The following CAMK1D variants were observed in gnomAD, a reference collection of about 807,000 sequenced individuals.
CAMK1D encodes the protein calcium/calmodulin dependent protein kinase ID.
Under a neutral mutation model 47.7 loss-of-function variants are expected in CAMK1D, and 9 were observed. That is an observed-to-expected ratio of 0.19 (90% CI 0.11 to 0.33). The LOEUF (loss-of-function observed/expected upper bound fraction) is 0.33. CAMK1D is among the 10% of genes least tolerant of loss of function. The probability of loss-of-function intolerance (pLI) is 1.00; values close to 1 mark genes in which losing one functional copy is unlikely to be tolerated. For synonymous variants in CAMK1D, 184 were observed against 184.9 expected, an observed-to-expected ratio of 0.99 and a Z score of 0.04; for missense variants, 291 against 488.7, an observed-to-expected ratio of 0.60 and a Z score of 3.81.
intron 1 of CAMK1D, among the ~76,000 whole-genome samples, chr10:12,454,575 G>A (rs890082961): frequency 6.6e-6 from 1 of 152,192 alleles, no homozygotes; most frequent in Admixed American, 6.5e-5. Flanking sequence ...CGATTCTCCT[G>A]CCTCAGCCTC....
At chr10:12,807,187 G>A (rs780307859) in intron 6 of CAMK1D, among the ~76,000 whole-genome samples, 19 of 152,180 alleles carry the variant, frequency 1.2e-4, no homozygotes, top group Non-Finnish European at 2.9e-5. Flanking sequence ...ACCTGGTCCA[G>A]CTCTGCCCGG....
At chr10:12,594,983 A>C (rs1257363107) in intron 2 of CAMK1D, among the ~76,000 whole-genome samples, 1 of 152,162 alleles carries the variant, frequency 6.6e-6, no homozygotes, top group Non-Finnish European at 1.5e-5. Context: ...AAGTGCTGAC[A>C]CTGACAATGA....
intron 1 of CAMK1D, among the ~76,000 whole-genome samples, chr10:12,548,788 C>T (rs1836485851): frequency 6.6e-6 from 1 of 150,786 alleles, no homozygotes; most frequent in Non-Finnish European, 1.5e-5. Flanking sequence ...TTACAGAGTA[C>T]AGTTTGGTGG....
intron 3 of CAMK1D, among the ~76,000 whole-genome samples, chr10:12,701,085 T>C (rs1274402482): frequency 6.6e-6 from 1 of 152,114 alleles, no homozygotes; most frequent in Non-Finnish European, 1.5e-5. Context: ...TATTTCCACT[T>C]TTAAGTTGCC....
chr10:12,444,417 C>G (rs555500660), intron 1 of CAMK1D, among the ~76,000 whole-genome samples: 1 of 152,156 alleles, frequency 6.6e-6, no homozygotes, highest in African/African-American at 2.4e-5. Flanking sequence ...GAGTCAAACT[C>G]TGTAAAATAT....
At chr10:12,684,673 G>A (rs1184324471) in intron 3 of CAMK1D, among the ~76,000 whole-genome samples, 2 of 152,136 alleles carry the variant, frequency 1.3e-5, no homozygotes, top group African/African-American at 4.8e-5. Flanking sequence ...TAAAGACAAT[G>A]TGACTGGTCA....
At chr10:12,456,974 G>A (rs1211899596) in intron 1 of CAMK1D, among the ~76,000 whole-genome samples, 2 of 152,124 alleles carry the variant, frequency 1.3e-5, no homozygotes, top group South Asian at 4.1e-4. Context: ...TATCATTGAA[G>A]CTTTGTGACA....
At position 12,395,012 on chromosome 10, in the gene CAMK1D, A is replaced by G. The variant is rs554694470; in HGVS notation, c.92+45102A>G. On this transcript the variant is annotated intron_variant, in intron 1 of 10. Transcript: ENST00000619168. ...GCCTCCAACTTGGGGTGCACTTTGT[A>G]GCTGCTTACTGAGGGTAAACAGTTA... 2.0e-5 allele frequency among the ~76,000 whole-genome samples: 3 copies of G among 151,552 alleles called. No individual in the cohort carries two copies. The East Asian group carries it at 5.8e-4, about 29-fold the overall frequency.
At chr10:12,815,045 C>A (rs1832742958) in intron 7 of CAMK1D, among the ~76,000 whole-genome samples, 1 of 152,204 alleles carries the variant, frequency 6.6e-6, no homozygotes, top group Admixed American at 6.5e-5. Flanking sequence ...TCAGGACAGC[C>A]TGTCAGGCGG....
chr10:12,808,829 A>G (rs1051171965), intron 6 of CAMK1D, among the ~76,000 whole-genome samples: 3 of 152,008 alleles, frequency 2.0e-5, no homozygotes, highest in African/African-American at 7.2e-5. Context: ...TATAAGATCC[A>G]TACAGGGCTG....
At chr10:12,482,984 A>C (rs1834109567) in intron 1 of CAMK1D, among the ~76,000 whole-genome samples, 1 of 152,150 alleles carries the variant, frequency 6.6e-6, no homozygotes, top group Non-Finnish European at 1.5e-5. Flanking sequence ...TTACGGTGCT[A>C]GCTAAGTGTG....
chr10:12,486,455 G>T (rs114425333), intron 1 of CAMK1D, among the ~76,000 whole-genome samples: 1,842 of 152,160 alleles, frequency 0.012, 45 homozygotes, highest in African/African-American at 0.042. Flanking sequence ...ACTGCACCTG[G>T]CGGGGACTTG....
At chr10:12,742,167 G>A (rs1428946117) in intron 3 of CAMK1D, among the ~76,000 whole-genome samples, 2 of 152,192 alleles carry the variant, frequency 1.3e-5, no homozygotes, top group African/African-American at 2.4e-5. Context: ...ACAGGGTCTC[G>A]CTCTGTTGCC....
intron 3 of CAMK1D, among the ~76,000 whole-genome samples, chr10:12,710,527 TA>T (rs992263551): frequency 6.6e-6 from 1 of 152,216 alleles, no homozygotes; most frequent in Non-Finnish European, 1.5e-5. Context: ...TCAAAGTTTT[TA>T]GCCCTCTTGA....
At position 12,691,394 on chromosome 10, in the gene CAMK1D, TATATATATAAATATATATATATATATA is replaced by T. The variant is rs1564495551; in HGVS notation, c.299+24585_299+24611del. On this transcript the variant is annotated intron_variant, in intron 3 of 10. Transcript: ENST00000619168. ...ATATATATAAATATATATATATATA[TATATATATAAATATATATATATATATA>T]TTTTTTTTTTTTTTTTTTTTTTTTT... Among the ~76,000 whole-genome samples, 21 of 7,338 alleles carry T rather than the reference TATATATATAAATATATATATATATATA, an allele frequency of 2.9e-3. 1 individual carries two copies. The highest frequency in any genetic ancestry group is 9.4e-3 in the African/African-American group (20 of 2,126). 4.8% of individuals were successfully genotyped at this position (7,338 alleles called of 152,430 possible).
intron 1 of CAMK1D, among the ~76,000 whole-genome samples, chr10:12,486,189 C>T (rs1033435752): frequency 9.4e-5 from 14 of 149,516 alleles, no homozygotes; most frequent in African/African-American, 3.2e-4. Context: ...GACAGAGTCT[C>T]GCTCTGTCAC....
chr10:12,766,972 A>G (rs1836793623), intron 4 of CAMK1D, among the ~76,000 whole-genome samples: 1 of 152,108 alleles, frequency 6.6e-6, no homozygotes, highest in Non-Finnish European at 1.5e-5. Flanking sequence ...TGCGATGTTG[A>G]CACATCAGAA....
intron 1 of CAMK1D, among the ~76,000 whole-genome samples, chr10:12,545,293 CA>C (rs959795256): frequency 2.0e-5 from 3 of 151,912 alleles, no homozygotes; most frequent in African/African-American, 7.3e-5. Flanking sequence ...AACAAAAAAA[CA>C]AAAAAACTAG....
At position 12,349,669 on chromosome 10, in the gene CAMK1D, G is replaced by A. The variant is rs1025734128; in HGVS notation, c.-150G>A. The A allele has an allele frequency of 3.2e-4, 51 of 161,786 alleles. No homozygotes were observed. The highest frequency in any genetic ancestry group is 1.2e-3 in the African/African-American group (50 of 41,226). 10.0% of individuals were successfully genotyped at this position (161,786 alleles called of 1,614,324 possible). On this transcript the variant is annotated 5_prime_UTR_variant, in exon 1 of 11. Coordinates refer to ENST00000619168, the MANE Select transcript of CAMK1D (RefSeq NM_153498.4). Reference sequence around the variant, plus strand: ...GAGGGACCGCGGCCGCGGCGGCGGCGGCGAGAGCGAAAGAGGAAACTGCAG... The same window carrying A: ...GAGGGACCGCGGCCGCGGCGGCGGCAGCGAGAGCGAAAGAGGAAACTGCAG...
Sources: gnomAD v4.1 joint callset for allele counts (sites outside exome capture counted in the v4.1 genomes callset) on GRCh38, gnomAD v4.1.1 for gene constraint, MANE v1.5 for transcripts, NCBI Gene and HGNC (gene_info 2026-07-23, HGNC 2026-07-21) for gene names.